Variants in PRPSAP1 observed in about 807,000 individuals in gnomAD.
PRPSAP1 encodes the protein phosphoribosyl pyrophosphate synthetase associated protein 1.
In PRPSAP1, 31 loss-of-function variants were observed where a neutral mutation model predicts 39.4. That is an observed-to-expected ratio of 0.79 (90% CI 0.59 to 1.06). The LOEUF is 1.06. Ranked by LOEUF, PRPSAP1 falls within the 50% of genes least tolerant of loss-of-function variation. PRPSAP1 has a pLI of 0.00. For missense variants in PRPSAP1, 430 were observed against 511.6 expected (o/e 0.84, Z 1.54); for synonymous variants, 212 against 192.6 (o/e 1.10, Z -0.83).
At chr17:76,322,071 C>T (rs1317076167) in intron 7 of PRPSAP1, among the ~76,000 whole-genome samples, 2 of 152,176 alleles carry the variant, frequency 1.3e-5, no homozygotes, top group Non-Finnish European at 2.9e-5. Flanking sequence ...CTCCGAAGAT[C>T]TAACTAAGAT....
At chr17:76,337,621 A>G (rs2071393822) in intron 3 of PRPSAP1, among the ~76,000 whole-genome samples, 1 of 152,128 alleles carries the variant, frequency 6.6e-6, no homozygotes, top group Non-Finnish European at 1.5e-5. Context: ...TTGTTTTGAG[A>G]CTGAGTCACT....
intron 5 of PRPSAP1, 183 bp from the exon 6 acceptor site, chr17:76,330,281 C>G (rs567834729): frequency 1.7e-6 from 1 of 593,726 alleles, no homozygotes; most frequent in East Asian, 2.9e-5. Flanking sequence ...AGCACTCCTA[C>G]GTCAAGAATT....
intron 5 of PRPSAP1, 41 bp downstream of exon 5, chr17:76,330,510 C>A (rs377010212): frequency 1.5e-4 from 211 of 1,414,496 alleles, no homozygotes; most frequent in African/African-American, 4.9e-4. Context: ...TAAATAAGAT[C>A]TCTTTTGAGG....
At chr17:76,342,912 T>C (rs576709483) in intron 3 of PRPSAP1, among the ~76,000 whole-genome samples, 184 of 151,790 alleles carry the variant, frequency 1.2e-3, no homozygotes, top group African/African-American at 4.1e-3. Flanking sequence ...ACCCCATCAC[T>C]ACTAAAAATA....
chr17:76,326,082 G>A (rs2071254124), intron 7 of PRPSAP1, among the ~76,000 whole-genome samples: 1 of 152,102 alleles, frequency 6.6e-6, no homozygotes, highest in Admixed American at 6.6e-5. Flanking sequence ...TACTGCAATG[G>A]TGCAGAACTG....
At position 76,353,880 on chromosome 17, in the gene PRPSAP1, T is replaced by A; in HGVS notation, c.-177A>T. Reference sequence around the variant, plus strand: ...ACCACTGACTACAGCGGCCGAGCCTTCGCAGCGCCCGGCGCCGCCGCCTCA... The same window carrying A: ...ACCACTGACTACAGCGGCCGAGCCTACGCAGCGCCCGGCGCCGCCGCCTCA... On this transcript the variant is annotated 5_prime_UTR_variant, in exon 1 of 10. Transcript: ENST00000446526. 7.6e-7 allele frequency: 1 copy of A among 1,309,246 alleles called. No individual in the cohort carries two copies. The highest frequency in any genetic ancestry group is 2.1e-5 in the South Asian group (1 of 46,856). The allele number at this position is 1,309,246 out of a possible 1,614,324, so 81.1% of individuals were successfully genotyped here. A position where few individuals can be genotyped will look rare whatever the true frequency, so the allele number is the denominator to read the frequency against.
chr17:76,344,946 C>A (rs1397004644), intron 2 of PRPSAP1, among the ~76,000 whole-genome samples: 4 of 151,646 alleles, frequency 2.6e-5, no homozygotes, highest in African/African-American at 9.7e-5. Context: ...ACAAAAAATA[C>A]AAGAATTAGC....
chr17:76,336,437 C>CA (rs71161286), intron 3 of PRPSAP1, among the ~76,000 whole-genome samples: 92,045 of 132,432 alleles, frequency 0.7, 31,867 homozygotes, highest in Non-Finnish European at 0.77. Flanking sequence ...GAATCTTTCT[C>CA]AAAAAAAAAA....
chr17:76,314,552 T>C (rs2143450155), intron 7 of PRPSAP1: 1 of 152,426 alleles, frequency 6.6e-6, no homozygotes, highest in South Asian at 2.1e-4. Flanking sequence ...TACACTTTTT[T>C]TTCTCAGAGG....
intron 2 of PRPSAP1, chr17:76,345,815 G>A (rs1184822402): frequency 1.4e-5 from 5 of 361,502 alleles, no homozygotes; most frequent in South Asian, 4.6e-5. Context: ...CAGTGCCTAC[G>A]TCCGGCTGCT....
At chr17:76,341,255 T>C (rs1309560739) in intron 3 of PRPSAP1, among the ~76,000 whole-genome samples, 1 of 97,524 alleles carries the variant, frequency 1.0e-5, no homozygotes, top group Non-Finnish European at 2.1e-5. Context: ...TTTTTTTTTT[T>C]GAGATAAGAT....
At chr17:76,325,991 C>A (rs1427368161) in intron 7 of PRPSAP1, among the ~76,000 whole-genome samples, 1 of 152,114 alleles carries the variant, frequency 6.6e-6, no homozygotes, top group Non-Finnish European at 1.5e-5. Flanking sequence ...GAGCATTTAA[C>A]AGACTACAGT....
In PRPSAP1 at chr17:76,353,835, C is replaced by T; in HGVS notation, c.-132G>A. Reference sequence around the variant, plus strand: ...CGCAAGCGGGGAGAGCTCCGAGGTCCGTGCCCTTGCGCACCCCACACCACT... The same window carrying T: ...CGCAAGCGGGGAGAGCTCCGAGGTCTGTGCCCTTGCGCACCCCACACCACT... On this transcript the variant is annotated 5_prime_UTR_variant, in exon 1 of 10. Coordinates refer to ENST00000446526, the MANE Select transcript of PRPSAP1 (RefSeq NM_002766.3). 1.5e-6 allele frequency: 2 copies of T among 1,377,936 alleles called. No homozygotes were observed. Among genetic ancestry groups the T allele is most frequent in the Non-Finnish European group, 1.9e-6 (2 of 1,073,806 alleles). 85.4% of individuals were successfully genotyped at this position (1,377,936 alleles called of 1,614,324 possible).
At chr17:76,346,246 A>G (rs1332244807) in intron 2 of PRPSAP1, among the ~76,000 whole-genome samples, 2 of 152,168 alleles carry the variant, frequency 1.3e-5, no homozygotes, top group African/African-American at 4.8e-5. Flanking sequence ...TGTTCTGGGG[A>G]AAGGAGCATA....
intron 5 of PRPSAP1, chr17:76,330,349 T>C (rs1411185805): frequency 1.7e-6 from 1 of 599,378 alleles, no homozygotes. Context: ...TTGCTAAAGA[T>C]ACGTAGAAAA....
chr17:76,313,300 A>C (rs1598514860), intron 8 of PRPSAP1: 1 of 326,536 alleles, frequency 3.1e-6, no homozygotes, highest in East Asian at 5.4e-5. Flanking sequence ...TTTCTGGTGA[A>C]TCCCACATAG....
At chr17:76,352,346 C>G (rs1423481977) in intron 1 of PRPSAP1, among the ~76,000 whole-genome samples, 1 of 152,138 alleles carries the variant, frequency 6.6e-6, no homozygotes, top group African/African-American at 2.4e-5. Flanking sequence ...AAAGAGCCAA[C>G]TAGAAAAGAG....
At chr17:76,318,030 G>A (rs1011399489) in intron 7 of PRPSAP1, among the ~76,000 whole-genome samples, 1 of 152,120 alleles carries the variant, frequency 6.6e-6, no homozygotes, top group African/African-American at 2.4e-5. Flanking sequence ...CAGCATCCTG[G>A]CCTTTACCTA....
At chr17:76,331,173 T>C (rs142868091) in intron 4 of PRPSAP1, among the ~76,000 whole-genome samples, 15 of 152,292 alleles carry the variant, frequency 9.8e-5, no homozygotes, top group African/African-American at 2.6e-4. Context: ...AGTATTCTTA[T>C]AGAAAAACAA....
Sources: gnomAD v4.1 joint callset for allele counts (sites outside exome capture counted in the v4.1 genomes callset) on GRCh38, gnomAD v4.1.1 for gene constraint, MANE v1.5 for transcripts, NCBI Gene and HGNC (gene_info 2026-07-23, HGNC 2026-07-21) for gene names.